PRR33: variants seen among roughly 807,000 people sequenced by gnomAD.
PRR33 encodes proline rich 33, also known as proline-rich protein 33.
In PRR33, 1 loss-of-function variant was observed where a neutral mutation model predicts 0.5. The ratio of observed to expected loss-of-function variants is 2.18; its 90% CI spans 0.77 to 10.34. The LOEUF (loss-of-function observed/expected upper bound fraction) is 10.34, where lower values mean the gene tolerates loss of function less well. Ranked by LOEUF, PRR33 falls within the 30% of genes most tolerant of loss-of-function variation. The pLI is 0.13. For missense variants in PRR33, 552 were observed against 251.8 expected (o/e 2.19, Z -8.07); for synonymous variants, 226 against 110.0 (o/e 2.06, Z -6.60).
the PRR33 span, among the ~76,000 whole-genome samples, chr11:1,913,697 C>T: frequency 0.01 from 1,537 of 152,376 alleles, 13 homozygotes; most frequent in African/African-American, 0.023. Context: ...GGGGCATTCT[C>T]GTGTCCATGG....
At chr11:1,897,066 CG>C in the PRR33 span, among the ~76,000 whole-genome samples, 1 of 152,164 alleles carries the variant, frequency 6.6e-6, no homozygotes, top group Non-Finnish European at 1.5e-5. The surrounding 1 kb of genome is among the most constrained non-coding windows in gnomAD (Gnocchi z 4.0). Flanking sequence ...GCACAGAAAC[CG>C]CCAGAGGGGC....
At chr11:1,913,727 C>G in the PRR33 span, among the ~76,000 whole-genome samples, 9 of 152,260 alleles carry the variant, frequency 5.9e-5, no homozygotes, top group Non-Finnish European at 1.2e-4. Flanking sequence ...GTCACTGTCT[C>G]TCACGTGTCC....
At chr11:1,904,990 T>C in the PRR33 span, among the ~76,000 whole-genome samples, 1 of 152,112 alleles carries the variant, frequency 6.6e-6, no homozygotes, top group Non-Finnish European at 1.5e-5. Flanking sequence ...TTTGTTCTAT[T>C]ATTTATTGTT....
the PRR33 span, among the ~76,000 whole-genome samples, chr11:1,912,077 T>C: frequency 3.8e-5 from 5 of 131,764 alleles, no homozygotes; most frequent in African/African-American, 1.5e-4. Flanking sequence ...GAGGGTGAGG[T>C]GGGGGAGATC....
the PRR33 span, among the ~76,000 whole-genome samples, chr11:1,913,047 T>C: frequency 1.3e-5 from 2 of 152,226 alleles, no homozygotes; most frequent in African/African-American, 2.4e-5. Flanking sequence ...TTTCATAAAC[T>C]AGATGCATAC....
chr11:1,904,527 T>C, the PRR33 span, among the ~76,000 whole-genome samples: 1 of 147,718 alleles, frequency 6.8e-6, no homozygotes, highest in Admixed American at 6.8e-5. Context: ...AGACTCTATC[T>C]CAAAAAAGAA....
At chr11:1,900,467 C>T in the PRR33 span, among the ~76,000 whole-genome samples, 1 of 152,202 alleles carries the variant, frequency 6.6e-6, no homozygotes, top group African/African-American at 2.4e-5. Context: ...AATGACATTA[C>T]ACTAAAGTTA....
chr11:1,913,211 C>T, the PRR33 span, among the ~76,000 whole-genome samples: 1 of 152,042 alleles, frequency 6.6e-6, no homozygotes, highest in Non-Finnish European at 1.5e-5. Context: ...GCTCACAAAC[C>T]TGCCTCCCAG....
the PRR33 span, among the ~76,000 whole-genome samples, chr11:1,910,395 AC>A: frequency 6.6e-6 from 1 of 151,936 alleles, no homozygotes; most frequent in Non-Finnish European, 1.5e-5. Context: ...GATTACAGGC[AC>A]CCGCCACCAC....
chr11:1,907,187 G>A, the PRR33 span, among the ~76,000 whole-genome samples: 4 of 152,340 alleles, frequency 2.6e-5, no homozygotes, highest in African/African-American at 9.6e-5. Flanking sequence ...CTGTTTGGTT[G>A]TTTCAGGCAG....
upstream of PRR33, chr11:1,892,318 T>C (rs2133151551): frequency 6.6e-6 from 1 of 152,388 alleles, no homozygotes; most frequent in South Asian, 2.1e-4. Flanking sequence ...GATGGAAATG[T>C]TGGGCCAGTG....
chr11:1,904,244 C>G, the PRR33 span, among the ~76,000 whole-genome samples: 1 of 152,132 alleles, frequency 6.6e-6, no homozygotes, highest in Non-Finnish European at 1.5e-5. Context: ...AAAGAGAAAA[C>G]TTGGCCGGGC....
chr11:1,904,651 C>G, the PRR33 span, among the ~76,000 whole-genome samples: 7 of 151,646 alleles, frequency 4.6e-5, no homozygotes, highest in South Asian at 1.5e-3. Context: ...AATTCGAGAC[C>G]AGCGTGCCAC....
At chr11:1,889,899 C>G in exon 1 of PRR33, 1 of 626,880 alleles carries the variant, frequency 1.6e-6, no homozygotes, top group Non-Finnish European at 2.9e-6. Flanking sequence ...GGGCAGTGGG[C>G]GGATGTGAGC....
At chr11:1,897,469 C>T in the PRR33 span, among the ~76,000 whole-genome samples, 1 of 152,202 alleles carries the variant, frequency 6.6e-6, no homozygotes, top group Non-Finnish European at 1.5e-5. The surrounding 1 kb of genome is among the most constrained non-coding windows in gnomAD (Gnocchi z 4.0). Context: ...CCTGGTCTGC[C>T]TTAGGACCTA....
the PRR33 span, among the ~76,000 whole-genome samples, chr11:1,905,253 G>A: frequency 3.4e-5 from 5 of 144,988 alleles, no homozygotes; most frequent in Admixed American, 1.4e-4. Flanking sequence ...TCAGCCTCCC[G>A]AGTAGCTGGG....
the PRR33 span, among the ~76,000 whole-genome samples, chr11:1,898,060 C>G: frequency 1.3e-5 from 2 of 152,174 alleles, no homozygotes; most frequent in Non-Finnish European, 2.9e-5. Flanking sequence ...ATACCTGATA[C>G]ATTCCTCCAT....
chr11:1,890,038 T>C, exon 1 of PRR33: 1 of 697,862 alleles, frequency 1.4e-6, no homozygotes. Context: ...GCCAGCTGGA[T>C]GTGCACCTGG....
At chr11:1,915,039 T>C in the PRR33 span, among the ~76,000 whole-genome samples, 3 of 143,654 alleles carry the variant, frequency 2.1e-5, no homozygotes, top group Middle Eastern at 0.013. Flanking sequence ...ACACGGATGA[T>C]GTTTGTGAGT....
Sources: allele counts gnomAD v4.1 joint callset (sites outside exome capture counted in the v4.1 genomes callset), GRCh38; gene constraint gnomAD v4.1.1; non-coding constraint Gnocchi (gnomAD v3.1); transcripts MANE v1.5; gene names NCBI Gene and HGNC (gene_info 2026-07-23, HGNC 2026-07-21).